ZNRF2: variants seen among roughly 807,000 people sequenced by gnomAD.
ZNRF2 encodes zinc and ring finger 2, also known as E3 ubiquitin-protein ligase ZNRF2.
ZNRF2 carries 16 observed loss-of-function variants against 20.4 expected under a neutral mutation model. The observed-to-expected ratio is 0.79, with a 90% CI of 0.53 to 1.19. The LOEUF (loss-of-function observed/expected upper bound fraction) is 1.19, where lower values mean the gene tolerates loss of function less well. ZNRF2 is among the 50% of genes most tolerant of loss of function. ZNRF2 has a pLI of 0.00. For missense variants in ZNRF2, 363 were observed against 332.4 expected, an observed-to-expected ratio of 1.09 and a Z score of -0.72; for synonymous variants, 178 against 144.9, an observed-to-expected ratio of 1.23 and a Z score of -1.64.
intron 2 of ZNRF2, among the ~76,000 whole-genome samples, chr7:30,352,865 A>G: frequency 6.6e-6 from 1 of 152,150 alleles, no homozygotes; most frequent in South Asian, 2.1e-4. Flanking sequence ...GTTTAGTGGT[A>G]TTTCCAGGTC....
At chr7:30,321,275 A>G (rs1393993886) in intron 1 of ZNRF2, among the ~76,000 whole-genome samples, 1 of 151,996 alleles carries the variant, frequency 6.6e-6, no homozygotes, top group Non-Finnish European at 1.5e-5. Flanking sequence ...ATGTATCACT[A>G]CTGTGTTGGG....
At chr7:30,335,848 T>C (rs901105239) in intron 2 of ZNRF2, among the ~76,000 whole-genome samples, 7 of 152,196 alleles carry the variant, frequency 4.6e-5, no homozygotes, top group African/African-American at 1.4e-4. Flanking sequence ...GTTCGGAGAT[T>C]GGTTCATTAC....
At chr7:30,339,284 T>C (rs1799760600) in intron 2 of ZNRF2, among the ~76,000 whole-genome samples, 1 of 152,214 alleles carries the variant, frequency 6.6e-6, no homozygotes, top group Admixed American at 6.5e-5. Flanking sequence ...AGATCCCATT[T>C]GTCAATTTTG....
chr7:30,286,264 A>G (rs1235155005), intron 1 of ZNRF2, among the ~76,000 whole-genome samples: 2 of 152,188 alleles, frequency 1.3e-5, no homozygotes, highest in Non-Finnish European at 2.9e-5. Flanking sequence ...AGCGTCTCAA[A>G]TGAACACTGA....
At chr7:30,318,165 C>A (rs779367582) in intron 1 of ZNRF2, among the ~76,000 whole-genome samples, 1 of 151,824 alleles carries the variant, frequency 6.6e-6, no homozygotes, top group Non-Finnish European at 1.5e-5. Context: ...CCAGTGAGGT[C>A]GATGACATAG....
chr7:30,306,536 A>G (rs530949843), intron 1 of ZNRF2, among the ~76,000 whole-genome samples: 4 of 152,180 alleles, frequency 2.6e-5, no homozygotes, highest in Admixed American at 6.6e-5. Context: ...TTAGGTATCA[A>G]CCATACCAGC....
intron 1 of ZNRF2, among the ~76,000 whole-genome samples, chr7:30,286,246 A>G (rs1187352210): frequency 6.6e-6 from 1 of 152,198 alleles, no homozygotes; most frequent in African/African-American, 2.4e-5. Flanking sequence ...TTAAAGGCCA[A>G]AAGTCAAAGC....
intron 4 of ZNRF2, among the ~76,000 whole-genome samples, chr7:30,364,617 G>T (rs1800180793): frequency 6.6e-6 from 1 of 152,130 alleles, no homozygotes; most frequent in African/African-American, 2.4e-5. Context: ...TGCCTTCATT[G>T]TCACCTTATG....
At chr7:30,295,121 G>A (rs1018555537) in intron 1 of ZNRF2, among the ~76,000 whole-genome samples, 1 of 135,046 alleles carries the variant, frequency 7.4e-6, no homozygotes, top group Non-Finnish European at 1.6e-5. Flanking sequence ...GTCAGCCACT[G>A]CCCCCAGGCA....
At chr7:30,294,731 G>A (rs1798979691) in intron 1 of ZNRF2, among the ~76,000 whole-genome samples, 1 of 149,720 alleles carries the variant, frequency 6.7e-6, no homozygotes, top group South Asian at 2.1e-4. Context: ...GTTGCAGTGA[G>A]CCGAGATCAC....
chr7:30,334,403 A>G (rs1019481414), intron 2 of ZNRF2, among the ~76,000 whole-genome samples: 2 of 152,056 alleles, frequency 1.3e-5, no homozygotes, highest in African/African-American at 2.4e-5. Context: ...ATAGCCTTGT[A>G]GTATAGTTTG....
At chr7:30,299,776 C>CTT (rs34591785) in intron 1 of ZNRF2, among the ~76,000 whole-genome samples, 134 of 123,304 alleles carry the variant, frequency 1.1e-3, no homozygotes, top group African/African-American at 3.2e-3. Context: ...CTAAAACCTG[C>CTT]TTTTTTTTTT....
intron 2 of ZNRF2, among the ~76,000 whole-genome samples, chr7:30,350,383 A>G (rs1253691377): frequency 6.6e-6 from 1 of 152,086 alleles, no homozygotes; most frequent in Non-Finnish European, 1.5e-5. Flanking sequence ...AAGAGTAGCT[A>G]CATGTTTAAC....
intron 2 of ZNRF2, among the ~76,000 whole-genome samples, chr7:30,338,688 G>A (rs1352948842): frequency 6.6e-6 from 1 of 152,070 alleles, no homozygotes; most frequent in Non-Finnish European, 1.5e-5. Context: ...GATGGCATTT[G>A]GGTTGGTTCC....
intron 1 of ZNRF2, among the ~76,000 whole-genome samples, chr7:30,287,754 G>A (rs142945079): frequency 0.032 from 4,134 of 129,486 alleles, 41 homozygotes; most frequent in African/African-American, 0.066. Context: ...TTCTCACCCG[G>A]CTTTCTGGAG....
At position 30,285,297 on chromosome 7, in the gene ZNRF2, C is replaced by G. The variant is rs1049695977; in HGVS notation, c.-61C>G. On this transcript the variant is annotated 5_prime_UTR_variant, in exon 1 of 5. Transcript: ENST00000323037. ...GGCCCTGCCCTCTAGCTCCCGCGCT[C>G]GCTCCCGCCCTCCCGGCTCTCGGGG... 1.9e-6 allele frequency: 2 copies of G among 1,047,626 alleles called. No individual in the cohort carries two copies. Among genetic ancestry groups the G allele is most frequent in the Non-Finnish European group, 2.3e-6 (2 of 870,960 alleles). The allele number at this position is 1,047,626 out of a possible 1,614,324, so 64.9% of individuals were successfully genotyped here.
At chr7:30,346,253 G>A (rs1254152165) in intron 2 of ZNRF2, among the ~76,000 whole-genome samples, 1 of 127,820 alleles carries the variant, frequency 7.8e-6, no homozygotes, top group Non-Finnish European at 1.6e-5. Flanking sequence ...CAATGCAGTG[G>A]CACGATCTTG....
At chr7:30,350,417 A>G (rs570821863) in intron 2 of ZNRF2, among the ~76,000 whole-genome samples, 9 of 152,128 alleles carry the variant, frequency 5.9e-5, no homozygotes, top group Admixed American at 1.3e-4. Context: ...TTACATTTAA[A>G]CTAGAGAGGC....
intron 2 of ZNRF2, among the ~76,000 whole-genome samples, chr7:30,345,481 A>G (rs1799862729): frequency 1.3e-5 from 2 of 151,856 alleles, no homozygotes; most frequent in Non-Finnish European, 2.9e-5. Flanking sequence ...CTGTTATACC[A>G]TTCAGAACCT....
Sources: gnomAD v4.1 joint callset for allele counts (sites outside exome capture counted in the v4.1 genomes callset) on GRCh38, gnomAD v4.1.1 for gene constraint, MANE v1.5 for transcripts, NCBI Gene and HGNC (gene_info 2026-07-23, HGNC 2026-07-21) for gene names.